KCTD16: variants seen among roughly 807,000 people sequenced by gnomAD.
The protein encoded by KCTD16 is potassium channel tetramerization domain containing 16, also known as BTB/POZ domain-containing protein KCTD16.
A neutral mutation model predicts 33.2 loss-of-function variants in KCTD16; 13 were observed. The ratio of observed to expected loss-of-function variants is 0.39; its 90% CI spans 0.25 to 0.62. KCTD16 has a LOEUF of 0.62. Among genes scored for constraint, KCTD16 ranks in the 20% least tolerant of loss-of-function variants. The pLI is 0.50. For synonymous variants in KCTD16, 197 were observed against 195.3 expected (o/e 1.01, Z -0.07); for missense variants, 441 against 525.1 (o/e 0.84, Z 1.57).
intron 3 of KCTD16, among the ~76,000 whole-genome samples, chr5:144,325,173 C>CA (rs201892536): frequency 0.016 from 2,436 of 152,172 alleles, 37 homozygotes; most frequent in Middle Eastern, 0.034. Flanking sequence ...ATTATTTGGA[C>CA]AAAAAATGAT....
intron 3 of KCTD16, among the ~76,000 whole-genome samples, chr5:144,251,133 A>T (rs1754689451): frequency 6.6e-6 from 1 of 152,152 alleles, no homozygotes; most frequent in South Asian, 2.1e-4. Flanking sequence ...CTGAAATATA[A>T]GAGATAAACC....
At chr5:144,322,741 A>C (rs1302883486) in intron 3 of KCTD16, among the ~76,000 whole-genome samples, 2 of 151,506 alleles carry the variant, frequency 1.3e-5, no homozygotes, top group African/African-American at 4.9e-5. Flanking sequence ...AAAAAAAAAA[A>C]CAAAAACTTC....
At chr5:144,473,029 C>A (rs1359386200) in intron 3 of KCTD16, among the ~76,000 whole-genome samples, 1 of 152,148 alleles carries the variant, frequency 6.6e-6, no homozygotes, top group Non-Finnish European at 1.5e-5. Flanking sequence ...TGTATGGAGA[C>A]TGAAATTGGA....
chr5:144,474,086 C>T lies in KCTD16; in HGVS notation c.1259C>T (p.Ser420Phe). ...RFPERKHPWQ[S>F]ELLRKYHL Reference sequence around the variant, plus strand: ...CCTGAGAGAAAACATCCTTGGCAATCTGAACTTTTAAGGAAGTATCATCTA... The same window carrying T: ...CCTGAGAGAAAACATCCTTGGCAATTTGAACTTTTAAGGAAGTATCATCTA... The change falls in exon 4 of 4, where the codon TCT (serine) becomes TTT (phenylalanine). Residue 420 changes from serine (S) to phenylalanine (F), a missense_variant. By Grantham distance (155) the Ser-to-Phe change is radical. Around this residue, in one of 3 missense-constraint regions of KCTD16, gnomAD observed 355 missense variants for 413.0 expected, o/e 0.86. Transcript: ENST00000512467. 6.2e-7 allele frequency: 1 copy of T among 1,610,402 alleles called. No individual in the cohort carries two copies. The highest frequency in any genetic ancestry group is 8.5e-7 in the Non-Finnish European group (1 of 1,178,028).
chr5:144,292,402 A>C (rs1329067561), intron 3 of KCTD16, among the ~76,000 whole-genome samples: 1 of 152,180 alleles, frequency 6.6e-6, no homozygotes. Flanking sequence ...GCAATGTAGG[A>C]ATTTATTGTA....
chr5:144,437,277 C>T (rs1753600009), intron 3 of KCTD16, among the ~76,000 whole-genome samples: 1 of 152,102 alleles, frequency 6.6e-6, no homozygotes, highest in African/African-American at 2.4e-5. Flanking sequence ...TGCCAGAGAA[C>T]AGGGAGAAGG....
At chr5:144,420,020 T>C (rs139782192) in intron 3 of KCTD16, among the ~76,000 whole-genome samples, 23 of 152,304 alleles carry the variant, frequency 1.5e-4, no homozygotes, top group African/African-American at 4.8e-4. Context: ...TATATTCATT[T>C]ATTTATGTAT....
chr5:144,355,933 A>G (rs532527089), intron 3 of KCTD16, among the ~76,000 whole-genome samples: 6 of 152,246 alleles, frequency 3.9e-5, no homozygotes, highest in African/African-American at 1.4e-4. Context: ...TTTGGGAGAA[A>G]TATCTGTGTA....
chr5:144,231,451 AG>A (rs1754100443), intron 3 of KCTD16, among the ~76,000 whole-genome samples: 2 of 152,192 alleles, frequency 1.3e-5, no homozygotes, highest in Admixed American at 1.3e-4. Flanking sequence ...TATGTTAAGT[AG>A]CTATTTTATA....
intron 3 of KCTD16, among the ~76,000 whole-genome samples, chr5:144,285,001 A>G (rs1156563737): frequency 6.6e-6 from 1 of 152,180 alleles, no homozygotes; most frequent in Non-Finnish European, 1.5e-5. Context: ...CAATAGACAC[A>G]TGGAGGTAAA....
intron 3 of KCTD16, among the ~76,000 whole-genome samples, chr5:144,413,815 AT>A (rs1255744100): frequency 3.9e-5 from 6 of 152,346 alleles, no homozygotes; most frequent in African/African-American, 1.2e-4. Flanking sequence ...TTTCTTTTGA[AT>A]AGTGGTCTTC....
intron 3 of KCTD16, among the ~76,000 whole-genome samples, chr5:144,377,035 T>G (rs1752108175): frequency 6.6e-6 from 1 of 152,206 alleles, no homozygotes; most frequent in African/African-American, 2.4e-5. Flanking sequence ...TAACACTGGA[T>G]GAGGAGGTGG....
chr5:144,396,912 T>TTA (rs200508365), intron 3 of KCTD16, among the ~76,000 whole-genome samples: 84,483 of 140,804 alleles, frequency 0.6, 25,185 homozygotes, highest in East Asian at 0.71. Flanking sequence ...ACTTTATTTA[T>TTA]TATATATATA....
intron 3 of KCTD16, among the ~76,000 whole-genome samples, chr5:144,229,529 C>G (rs1421646): frequency 0.28 from 42,852 of 151,992 alleles, 6,131 homozygotes; most frequent in Non-Finnish European, 0.3. Context: ...ACCTATGTGG[C>G]TATCGAAAGG....
intron 3 of KCTD16, among the ~76,000 whole-genome samples, chr5:144,308,386 C>T (rs1032486548): frequency 3.9e-5 from 6 of 152,202 alleles, no homozygotes; most frequent in African/African-American, 1.2e-4. Flanking sequence ...GCTTTATTTT[C>T]GTTGGCTCAG....
chr5:144,344,374 A>C (rs1487943154), intron 3 of KCTD16, among the ~76,000 whole-genome samples: 1 of 105,422 alleles, frequency 9.5e-6, no homozygotes, highest in Non-Finnish European at 2.0e-5. Context: ...CTAATTAAAG[A>C]GCTTCTGCAC....
In KCTD16 at chr5:144,475,786, T is replaced by A. The variant is rs1238149230; in HGVS notation, c.*1672T>A. The A allele has an allele frequency of 1.3e-5, 2 of 152,650 alleles. No homozygotes were observed. The highest frequency in any genetic ancestry group is 2.9e-5 in the Non-Finnish European group (2 of 68,038). 9.5% of individuals were successfully genotyped at this position (152,650 alleles called of 1,614,324 possible). A position where few individuals can be genotyped will look rare whatever the true frequency, so the allele number is the denominator to read the frequency against. On this transcript the variant is annotated 3_prime_UTR_variant, in exon 4 of 4. Transcript: ENST00000512467. ...ATCTTTCATTGATGCACATTTATTA[T>A]GTAAGATGTTCTGTCTTGATTTCTG... is the stretch of plus-strand genomic sequence containing the variant.
At chr5:144,323,233 A>G (rs1490759712) in intron 3 of KCTD16, among the ~76,000 whole-genome samples, 1 of 152,166 alleles carries the variant, frequency 6.6e-6, no homozygotes, top group Non-Finnish European at 1.5e-5. Context: ...GAGACAGTGG[A>G]CCAACTGGGG....
At chr5:144,285,230 C>T (rs1280476513) in intron 3 of KCTD16, among the ~76,000 whole-genome samples, 1 of 152,174 alleles carries the variant, frequency 6.6e-6, no homozygotes, top group Non-Finnish European at 1.5e-5. Context: ...TTGAGAAAAT[C>T]TGGGAACCTA....
Sources: gnomAD v4.1 joint callset for allele counts (sites outside exome capture counted in the v4.1 genomes callset) on GRCh38, gnomAD v4.1.1 for gene constraint, gnomAD v4.1.1 regional missense constraint, MANE v1.5 for transcripts, NCBI Gene and HGNC (gene_info 2026-07-23, HGNC 2026-07-21) for gene names.